Variants in SPRED2 observed in about 807,000 individuals in gnomAD.
The protein encoded by SPRED2 is sprouty related EVH1 domain containing 2, also known as sprouty-related, EVH1 domain-containing protein 2.
In SPRED2, 47 loss-of-function variants were observed where a neutral mutation model predicts 43.0. That is an observed-to-expected ratio of 1.09 (90% CI 0.87 to 1.40). The LOEUF is 1.40. Ranked by LOEUF, SPRED2 falls within the 40% of genes most tolerant of loss-of-function variation. The probability of loss-of-function intolerance (pLI) is 0.00; values close to 1 mark genes in which losing one functional copy is unlikely to be tolerated. For synonymous variants in SPRED2, 225 were observed against 225.7 expected (o/e 1.00, Z 0.03); for missense variants, 561 against 586.4 (o/e 0.96, Z 0.45).
chr2:65,391,229 C>CAT (rs1553425420), intron 1 of SPRED2, among the ~76,000 whole-genome samples: 2 of 148,320 alleles, frequency 1.3e-5, no homozygotes, highest in Admixed American at 6.9e-5. Context: ...CACACACACA[C>CAT]GAATCATTAA....
intron 1 of SPRED2, among the ~76,000 whole-genome samples, chr2:65,422,104 A>ACACTCT (rs1299857849): frequency 2.6e-4 from 34 of 128,934 alleles, no homozygotes; most frequent in African/African-American, 3.8e-4. Context: ...ACACACACAC[A>ACACTCT]CTCTCTCTCT....
At chr2:65,405,770 A>C (rs1366499811) in intron 1 of SPRED2, among the ~76,000 whole-genome samples, 2 of 152,120 alleles carry the variant, frequency 1.3e-5, no homozygotes, top group African/African-American at 4.8e-5. Flanking sequence ...TCTCACTTTG[A>C]ACTAATTTAA....
intron 4 of SPRED2, among the ~76,000 whole-genome samples, chr2:65,318,602 T>C (rs1461425636): frequency 2.0e-5 from 3 of 152,108 alleles, no homozygotes; most frequent in South Asian, 2.1e-4. Context: ...CTACAGGAAC[T>C]TTCCTTTGGC....
chr2:65,417,364 C>T (rs1676309884), intron 1 of SPRED2, among the ~76,000 whole-genome samples: 1 of 152,120 alleles, frequency 6.6e-6, no homozygotes, highest in Non-Finnish European at 1.5e-5. Flanking sequence ...AGCTGAAGGC[C>T]CTTCCCTGCC....
chr2:65,318,007 G>A (rs1205512903), intron 4 of SPRED2, among the ~76,000 whole-genome samples: 1 of 152,142 alleles, frequency 6.6e-6, no homozygotes, highest in Non-Finnish European at 1.5e-5. Flanking sequence ...TGGTTTGGCT[G>A]TGTCCCCAAC....
intron 1 of SPRED2, among the ~76,000 whole-genome samples, chr2:65,373,286 G>A (rs904566688): frequency 5.3e-5 from 8 of 152,148 alleles, no homozygotes; most frequent in African/African-American, 1.4e-4. Context: ...CCAACACAGC[G>A]AAATGAGAAA....
intron 1 of SPRED2, among the ~76,000 whole-genome samples, chr2:65,351,087 G>A (rs35708784): frequency 0.051 from 7,818 of 152,234 alleles, 294 homozygotes; most frequent in Middle Eastern, 0.15. Flanking sequence ...ACAGGTCCTT[G>A]AAACACCAGC....
At chr2:65,410,922 G>A (rs1319418218) in intron 1 of SPRED2, among the ~76,000 whole-genome samples, 1 of 152,154 alleles carries the variant, frequency 6.6e-6, no homozygotes, top group Non-Finnish European at 1.5e-5. Flanking sequence ...GGTTCTCAGT[G>A]CAGGGCAACC....
chr2:65,360,275 T>C (rs970132497), intron 1 of SPRED2, among the ~76,000 whole-genome samples: 2 of 152,254 alleles, frequency 1.3e-5, no homozygotes, highest in South Asian at 4.1e-4. Context: ...CTTCAGCCAC[T>C]TCTCAGGACT....
At position 65,432,020 on chromosome 2, in the gene SPRED2, G is replaced by T. The variant is rs763829706; in HGVS notation, c.-33C>A. ...TTCACCTAGACGCCTGTCCCGCGGC[G>T]GGCAGCTTTGCTCCCTTCATCTTCC... On this transcript the variant is annotated 5_prime_UTR_variant, in exon 1 of 6. Coordinates refer to ENST00000356388, the MANE Select transcript of SPRED2 (RefSeq NM_181784.3). The T allele has an allele frequency of 6.2e-7, 1 of 1,613,600 alleles. No homozygotes were observed. Among genetic ancestry groups the T allele is most frequent in the Non-Finnish European group, 8.5e-7 (1 of 1,179,916 alleles).
At chr2:65,333,701 C>T (rs577818982) in intron 3 of SPRED2, among the ~76,000 whole-genome samples, 1 of 152,278 alleles carries the variant, frequency 6.6e-6, no homozygotes, top group South Asian at 2.1e-4. Flanking sequence ...CTCTTTTTGG[C>T]TATCTCATAC....
At chr2:65,308,119 GT>G (rs1672979492), downstream of SPRED2, among the ~76,000 whole-genome samples, 1 of 152,378 alleles carries the variant, frequency 6.6e-6, no homozygotes, top group Non-Finnish European at 1.5e-5. Flanking sequence ...AGGGAAGTGG[GT>G]AGTGGACCAG....
chr2:65,418,040 T>C (rs1676328640), intron 1 of SPRED2, among the ~76,000 whole-genome samples: 2 of 152,230 alleles, frequency 1.3e-5, no homozygotes, highest in African/African-American at 2.4e-5. Context: ...CTCTTCACAA[T>C]ATATGTTTCT....
intron 1 of SPRED2, among the ~76,000 whole-genome samples, chr2:65,424,956 G>C (rs1348435447): frequency 1.3e-5 from 2 of 152,170 alleles, no homozygotes; most frequent in Non-Finnish European, 2.9e-5. Context: ...CACCTAGAAA[G>C]ACAGATGGGC....
At chr2:65,420,880 ACAT>A (rs1676406729) in intron 1 of SPRED2, among the ~76,000 whole-genome samples, 2 of 152,248 alleles carry the variant, frequency 1.3e-5, no homozygotes, top group African/African-American at 4.8e-5. Context: ...AGAGATTTAA[ACAT>A]CATCATCTTG....
intron 4 of SPRED2, among the ~76,000 whole-genome samples, chr2:65,317,513 AAACAACAACAACAACAACAAC>A (rs200353741): frequency 0.026 from 3,832 of 147,344 alleles, 161 homozygotes; most frequent in African/African-American, 0.092. Flanking sequence ...ACTCCATCTC[AAACAACAACAACAACAACAAC>A]AACAACAACA....
chr2:65,406,124 C>G (rs1287847464), intron 1 of SPRED2, among the ~76,000 whole-genome samples: 2 of 152,170 alleles, frequency 1.3e-5, no homozygotes, highest in Non-Finnish European at 2.9e-5. Context: ...TTGGTGATGA[C>G]ACTTCTTTGG....
At chr2:65,431,033 C>A (rs1483429040) in intron 1 of SPRED2, among the ~76,000 whole-genome samples, 1 of 152,034 alleles carries the variant, frequency 6.6e-6, no homozygotes, top group Non-Finnish European at 1.5e-5. Flanking sequence ...AGGGAAAATG[C>A]CAAACTGGAC....
intron 1 of SPRED2, 127 bp downstream of exon 1, chr2:65,431,835 G>A: frequency 4.3e-6 from 5 of 1,171,866 alleles, no homozygotes; most frequent in Admixed American, 1.8e-5. Context: ...TCCCAACGCC[G>A]AAAGGTCAGC....
Sources: gnomAD v4.1 joint callset for allele counts (sites outside exome capture counted in the v4.1 genomes callset) on GRCh38, gnomAD v4.1.1 for gene constraint, MANE v1.5 for transcripts, NCBI Gene and HGNC (gene_info 2026-07-23, HGNC 2026-07-21) for gene names.